Variants in NAA10 observed in about 807,000 individuals in gnomAD.
The protein encoded by NAA10 is N-alpha-acetyltransferase 10.
NAA10 carries 6 observed loss-of-function variants against 19.2 expected under a neutral mutation model. The ratio of observed to expected loss-of-function variants is 0.31; its 90% CI spans 0.17 to 0.62. The LOEUF is 0.62. Among genes scored for constraint, NAA10 ranks in the 20% least tolerant of loss-of-function variants. NAA10 has a pLI of 0.83. For missense variants in NAA10, 101 were observed against 198.4 expected (o/e 0.51, Z 2.95); for synonymous variants, 97 against 79.9 (o/e 1.21, Z -1.14).
Position 153,929,805 on chromosome X carries a change from CTT to C in NAA10, c.*180_*181del. 2.2e-6 allele frequency: 1 copy of C among 457,790 alleles called. No individual in the cohort carries two copies. The highest frequency in any genetic ancestry group is 3.8e-6 in the Non-Finnish European group (1 of 262,243). 37.7% of individuals were successfully genotyped at this position (457,790 alleles called of 1,213,427 possible). A position where few individuals can be genotyped will look rare whatever the true frequency, so the allele number is the denominator to read the frequency against. Reference sequence around the variant, plus strand: ...ACTAGGGAGTCCCACCTCCAAAGCTCTTTCCTTGTACTCGGGCCTGGCAGGAT... The same window carrying C: ...ACTAGGGAGTCCCACCTCCAAAGCTCTCCTTGTACTCGGGCCTGGCAGGAT... On this transcript the variant is annotated 3_prime_UTR_variant, in exon 8 of 8. Transcript: ENST00000464845.
rs782416134 is a variant in NAA10 at position 153,932,807 on chromosome X, C to G, written c.180-223G>C. 1,816 of 439,924 alleles carry G rather than the reference C, an allele frequency of 4.1e-3. 3 individuals carry two copies. The highest frequency in any genetic ancestry group is 5.9e-3 in the Non-Finnish European group (1,482 of 251,568). 36.3% of individuals were successfully genotyped at this position (439,924 alleles called of 1,213,427 possible). ...GGGCACACGCCTATAGTTCCAGCTACTTGGCAGGCCGGGGCAAGAGGACTG... is the reference window on the plus strand; with the variant it reads ...GGGCACACGCCTATAGTTCCAGCTAGTTGGCAGGCCGGGGCAAGAGGACTG... On this transcript the variant is annotated intron_variant, in intron 3 of 7. Coordinates refer to ENST00000464845, the MANE Select transcript of NAA10 (RefSeq NM_003491.4).
intron 5 of NAA10, 66 bp from the exon 6 acceptor site, chrX:153,932,181 C>G (rs2148535114): frequency 8.4e-7 from 1 of 1,185,028 alleles, no homozygotes; most frequent in East Asian, 3.0e-5. Flanking sequence ...ACGTCCAGGT[C>G]TTGCCCCTCC....
intron 6 of NAA10, chrX:153,931,529 AC>A (rs1184170026): frequency 1.1e-5 from 9 of 797,741 alleles, no homozygotes; most frequent in Non-Finnish European, 1.3e-5. Context: ...ACTTGCAAGC[AC>A]TTTTTTCCAC....
rs1221488851 is a variant in NAA10 at position 153,930,923 on chromosome X, G to C, written c.387-76C>G. The C allele has an allele frequency of 3.3e-6, 4 of 1,207,969 alleles. No homozygotes were observed. In the African/African-American group the frequency reaches 5.3e-5, roughly 16 times the overall value. On this transcript the variant is annotated intron_variant, in intron 6 of 7. Coordinates refer to ENST00000464845, the MANE Select transcript of NAA10 (RefSeq NM_003491.4). ...ACCCTCCTCCACTCCTGGTATCGTG[G>C]CTACTGGAGCAAGGTGCCATGTTTT...
In NAA10 at chrX:153,929,324, C is replaced by T. The variant is rs1209662879; in HGVS notation, c.*663G>A. The T allele has an allele frequency of 8.9e-6, 1 of 111,867 alleles. No individual in the cohort carries two copies. Among genetic ancestry groups the T allele is most frequent in the African/African-American group, 3.3e-5 (1 of 30,596 alleles). 9.2% of individuals were successfully genotyped at this position (111,867 alleles called of 1,213,427 possible). The stretch of plus-strand genomic sequence containing the variant: ...AATACAAAATGTCAATGGGGAAACG[C>T]GGGGAATTGTACTAAAAATAAATTA... On this transcript the variant is annotated 3_prime_UTR_variant, in exon 8 of 8. Transcript: ENST00000464845.
chrX:153,930,152 C>T lies in NAA10; in HGVS notation c.543G>A (p.Glu181=), dbSNP rs200206388. The part of the protein sequence containing the change: ...VVLGAIENKV[E]SKGNSPPSSG... ...AGCTCGGAGGTGAATTGCCTTTGCT[C>T]TCCACCTTGTTCTCGATGGCACCCA... The change falls in exon 8 of 8, where the codon GAG becomes GAA. Residue 181 remains glutamate (E), a synonymous_variant. Coordinates refer to ENST00000464845, the MANE Select transcript of NAA10 (RefSeq NM_003491.4). 7 of 1,209,547 alleles carry T rather than the reference C, an allele frequency of 5.8e-6. No homozygotes were observed. In the Admixed American group the frequency reaches 1.3e-4, roughly 23 times the overall value.
rs1557107955 is a variant in NAA10 at position 153,934,404 on chromosome X, G to A, written c.93C>T (p.Tyr31=). Residue 31 remains tyrosine, a synonymous_variant, in exon 2 of 8, where the codon TAC becomes TAT. Transcript: ENST00000464845. ...CLPENYQMKY[Y]FYHGLSWPQL... ...GGGGCCAGGAAAGGCCATGGTAGAA[G>A]TAGTATTTCATCTGGTAGTTCTCGG... The A allele has an allele frequency of 8.3e-7, 1 of 1,208,473 alleles. No homozygotes were observed.
intron 3 of NAA10, chrX:153,933,065 A>G (rs1374092607): frequency 7.3e-6 from 1 of 136,579 alleles, no homozygotes; most frequent in African/African-American, 3.2e-5. Flanking sequence ...AAAATAAAAA[A>G]AGAAATGAGC....
At chrX:153,931,032 G>A (rs2065163804) in intron 6 of NAA10, 185 bp from the exon 7 acceptor site, 1 of 1,153,545 alleles carries the variant, frequency 8.7e-7, no homozygotes, top group Admixed American at 2.6e-5. Context: ...GGACACAGCG[G>A]CCCGCCCCAC....
Position 153,933,787 on chromosome X carries a change from G to C in NAA10, c.179+156C>G, listed in dbSNP as rs968369445. On this transcript the variant is annotated intron_variant, in intron 3 of 7. Transcript: ENST00000464845. ...CAGAGGAAGCTGGCAGGGAGGGGAT[G>C]CTGAGGGGTGCTATAAGAACTCCAT... 21 of 475,415 alleles carry C rather than the reference G, an allele frequency of 4.4e-5. No homozygotes were observed. The East Asian group carries it at 6.9e-4, about 16-fold the overall frequency. The allele number at this position is 475,415 out of a possible 1,213,427, so 39.2% of individuals were successfully genotyped here.
chrX:153,932,084 T>C lies in NAA10; in HGVS notation c.373A>G (p.Thr125Ala). Residue 125 changes from threonine (T) to alanine (A), a missense_variant, in exon 6 of 8, where the codon ACC (threonine) becomes GCC (alanine). Physicochemically the swap from Thr to Ala is moderately conservative, Grantham distance 58. Coordinates refer to ENST00000464845, the MANE Select transcript of NAA10 (RefSeq NM_003491.4). ...NRAALHLYSNTLNFQISEVEP... is the reference protein window; with the variant it reads ...NRAALHLYSNALNFQISEVEP... ...AGATCTACTTACTGAAAGTTGAGGG[T>C]GTTGGAATAGAGGTGCAGGGCGGCC... The C allele has an allele frequency of 8.3e-7, 1 of 1,211,237 alleles. No individual in the cohort carries two copies. Among genetic ancestry groups the C allele is most frequent in the Non-Finnish European group, 1.1e-6 (1 of 895,388 alleles).
Position 153,929,877 on chromosome X carries a change from T to C in NAA10, c.*110A>G. 1 of 656,902 alleles carries C rather than the reference T, an allele frequency of 1.5e-6. No individual in the cohort carries two copies. Among genetic ancestry groups the C allele is most frequent in the South Asian group, 2.3e-5 (1 of 42,657 alleles). 54.1% of individuals were successfully genotyped at this position (656,902 alleles called of 1,213,427 possible). A position where few individuals can be genotyped will look rare whatever the true frequency, so the allele number is the denominator to read the frequency against. Reference sequence around the variant, plus strand: ...AGGCTCACATCCCCACCAGAGGACCTGGAGAAACACACCCTCTAAATGTGC... The same window carrying C: ...AGGCTCACATCCCCACCAGAGGACCCGGAGAAACACACCCTCTAAATGTGC... On this transcript the variant is annotated 3_prime_UTR_variant, in exon 8 of 8. Coordinates refer to ENST00000464845, the MANE Select transcript of NAA10 (RefSeq NM_003491.4).
At chrX:153,933,043 A>G (rs912239910) in intron 3 of NAA10, 1 of 143,174 alleles carries the variant, frequency 7.0e-6, no homozygotes. Flanking sequence ...ACAGAGCGAG[A>G]CCCTGTCTCA....
intron 3 of NAA10, 125 bp from the exon 4 acceptor site, chrX:153,932,709 G>A (rs1487303732): frequency 2.2e-5 from 15 of 672,013 alleles, no homozygotes; most frequent in African/African-American, 6.5e-5. Context: ...GGGGAGAGCC[G>A]GGAGCCTCTT....
At chrX:153,931,048 C>T in intron 6 of NAA10, 1 of 1,142,460 alleles carries the variant, frequency 8.8e-7, no homozygotes, top group East Asian at 3.3e-5. Context: ...CCCACCCGTC[C>T]TGCCCCCGTT....
intron 6 of NAA10, 37 bp from the exon 7 acceptor site, chrX:153,930,884 T>C (rs2065162766): frequency 8.3e-7 from 1 of 1,209,573 alleles, no homozygotes; most frequent in African/African-American, 1.8e-5. Context: ...GAGGAAGACC[T>C]GTATCCCGGG....
intron 6 of NAA10, chrX:153,931,185 C>T: frequency 1.1e-6 from 1 of 950,846 alleles, no homozygotes; most frequent in Non-Finnish European, 1.3e-6. Flanking sequence ...CTCACAACAG[C>T]CATCAGAACC....
chrX:153,934,847 CACGCGGCGCGG>C, intron 1 of NAA10, 26 bp downstream of exon 1: 2 of 989,833 alleles, frequency 2.0e-6, no homozygotes, highest in South Asian at 3.0e-5. Context: ...GCCCGGCGCC[CACGCGGCGCGG>C]ACAGCCTCCC....
At chrX:153,932,711 G>C in intron 3 of NAA10, 127 bp from the exon 4 acceptor site, 5 of 652,983 alleles carry the variant, frequency 7.7e-6, no homozygotes, top group Non-Finnish European at 1.2e-5. Flanking sequence ...GGAGAGCCGG[G>C]AGCCTCTTGG....
Sources: allele counts gnomAD v4.1 joint callset, GRCh38; gene constraint gnomAD v4.1.1; transcripts MANE v1.5; gene names NCBI Gene and HGNC (gene_info 2026-07-23, HGNC 2026-07-21).